ECH1: variants seen among roughly 807,000 people sequenced by gnomAD.
ECH1 encodes delta(3,5)-Delta(2,4)-dienoyl-CoA isomerase, mitochondrial.
ECH1 carries 30 observed loss-of-function variants against 37.0 expected under a neutral mutation model. The ratio of observed to expected loss-of-function variants is 0.81; its 90% CI spans 0.61 to 1.10. The LOEUF is 1.10. Among genes scored for constraint, ECH1 ranks in the 50% least tolerant of loss-of-function variants. The probability of loss-of-function intolerance (pLI) is 0.00; values close to 1 mark genes in which losing one functional copy is unlikely to be tolerated. For missense variants in ECH1, 456 were observed against 441.6 expected, an observed-to-expected ratio of 1.03 and a Z score of -0.29; for synonymous variants, 178 against 176.0, an observed-to-expected ratio of 1.01 and a Z score of -0.09.
At chr19:38,823,123 C>G (rs528809553) in intron 3 of ECH1, 1 of 154,238 alleles carries the variant, frequency 6.5e-6, no homozygotes, top group East Asian at 1.9e-4. Flanking sequence ...CCAGCGAGAC[C>G]ACGAACCCAC....
In ECH1 at chr19:38,819,419, C is replaced by T. The variant is rs371346976; in HGVS notation, c.350-1844G>A. ...GGCCCCATCCCCCGCATCCTGACCC[C>T]GCCTTACCTCCGGGCTGCACAGCTG... On this transcript the variant is annotated intron_variant, in intron 3 of 9. Transcript: ENST00000221418. Among the ~76,000 whole-genome samples, 21 of 152,084 alleles carry T rather than the reference C, an allele frequency of 1.4e-4. 1 individual carries two copies. The highest frequency in any genetic ancestry group is 7.8e-4 in the East Asian group (4 of 5,156).
rs185066389 is a variant in ECH1 at position 38,828,495 on chromosome 19, G to A, written c.349+2583C>T. ...GATCCACCCACCTCAGCTTCCCAAAGTGCTGGGATTACAGGCATGAGCCAC... is the reference window on the plus strand; with the variant it reads ...GATCCACCCACCTCAGCTTCCCAAAATGCTGGGATTACAGGCATGAGCCAC... On this transcript the variant is annotated intron_variant, in intron 3 of 9. Coordinates refer to ENST00000221418, the MANE Select transcript of ECH1 (RefSeq NM_001398.3). Among the ~76,000 whole-genome samples, 12 of 152,224 alleles carry A rather than the reference G, an allele frequency of 7.9e-5. No homozygotes were observed. The East Asian group carries it at 2.1e-3, about 27-fold the overall frequency.
chr19:38,825,588 A>ATAGG (rs1555722549), intron 3 of ECH1, among the ~76,000 whole-genome samples: 1 of 152,218 alleles, frequency 6.6e-6, no homozygotes, highest in Non-Finnish European at 1.5e-5. Flanking sequence ...GTGTTCTATA[A>ATAGG]TAGGGACCAA....
At chr19:38,821,722 C>G (rs1382479148) in intron 3 of ECH1, among the ~76,000 whole-genome samples, 1 of 152,218 alleles carries the variant, frequency 6.6e-6, no homozygotes, top group Non-Finnish European at 1.5e-5. Flanking sequence ...CGGGCCTCAG[C>G]TGCCTCCCTG....
At chr19:38,826,081 G>A (rs1416787994) in intron 3 of ECH1, among the ~76,000 whole-genome samples, 1 of 152,236 alleles carries the variant, frequency 6.6e-6, no homozygotes, top group South Asian at 2.1e-4. Flanking sequence ...GGGACAGCCT[G>A]TAACCAGGTA....
intron 6 of ECH1, 100 bp downstream of exon 6, chr19:38,816,965 T>A: frequency 7.4e-7 from 1 of 1,351,838 alleles, no homozygotes; most frequent in Non-Finnish European, 1.0e-6. Context: ...TTTGTCGGGT[T>A]CAACTCCGAC....
chr19:38,825,273 G>GT (rs1971722659), intron 3 of ECH1, among the ~76,000 whole-genome samples: 1 of 152,154 alleles, frequency 6.6e-6, no homozygotes, highest in African/African-American at 2.4e-5. Context: ...CATGGGGACT[G>GT]GAGTCGTAAA....
rs1246664933 is a variant in ECH1 at position 38,831,119 on chromosome 19, C to T, written c.308G>A (p.Arg103Gln). The T allele has an allele frequency of 2.5e-6, 4 of 1,614,006 alleles. No homozygotes were observed. Among genetic ancestry groups the T allele is most frequent in the Admixed American group, 3.3e-5 (2 of 59,992 alleles). Residue 103 changes from arginine to glutamine, a missense_variant, in exon 3 of 10, where the codon CGG becomes CAG. Coordinates refer to ENST00000221418, the MANE Select transcript of ECH1 (RefSeq NM_001398.3). Reference sequence around the variant, plus strand: ...TCCTGCACCAGAGATCACCACCGCCCGACAGTCAGCGTCTCTCGAAATCTT... The same window carrying T: ...TCCTGCACCAGAGATCACCACCGCCTGACAGTCAGCGTCTCTCGAAATCTT... ...FNKISRDADC[R>Q]AVVISGAGKM... is the part of the protein sequence containing the mutation.
rs1203522655 is a variant in ECH1, at chr19:38,816,947, A to G, written c.588+118T>C. ...CACCTCTTGACTTCCTCTATGGGCA[A>G]GTCTTACTTTGTCGGGTTCAACTCC... On this transcript the variant is annotated intron_variant, in intron 6 of 9. Transcript: ENST00000221418. 3 of 1,165,578 alleles carry G rather than the reference A, an allele frequency of 2.6e-6. No individual in the cohort carries two copies. In the African/African-American group the frequency reaches 4.6e-5, roughly 18 times the overall value. 72.2% of individuals were successfully genotyped at this position (1,165,578 alleles called of 1,614,324 possible). A position where few individuals can be genotyped will look rare whatever the true frequency, so the allele number is the denominator to read the frequency against.
chr19:38,828,540 C>T (rs1971770067), intron 3 of ECH1, among the ~76,000 whole-genome samples: 2 of 151,696 alleles, frequency 1.3e-5, no homozygotes, highest in South Asian at 2.1e-4. Context: ...CCTGCCATTT[C>T]CAAGCGAAAA....
chr19:38,823,695 T>G (rs1163231865), intron 3 of ECH1, among the ~76,000 whole-genome samples: 1 of 152,218 alleles, frequency 6.6e-6, no homozygotes, highest in Non-Finnish European at 1.5e-5. Flanking sequence ...AACAAGTTCG[T>G]TGACCCTGCA....
chr19:38,823,694 G>A (rs549325175), intron 3 of ECH1, among the ~76,000 whole-genome samples: 14 of 152,292 alleles, frequency 9.2e-5, no homozygotes, highest in South Asian at 2.1e-4. Context: ...CAACAAGTTC[G>A]TTGACCCTGC....
At chr19:38,817,764 G>A (rs1476785036) in intron 3 of ECH1, 189 bp from the exon 4 acceptor site, 2 of 985,130 alleles carry the variant, frequency 2.0e-6, no homozygotes, top group East Asian at 1.1e-4. Context: ...GCTAATATTT[G>A]TGGAGTCATT....
chr19:38,825,411 G>A (rs917501675), intron 3 of ECH1, among the ~76,000 whole-genome samples: 7 of 152,212 alleles, frequency 4.6e-5, no homozygotes, highest in African/African-American at 1.7e-4. Context: ...AGCTATAGGA[G>A]GCCTTAAGAA....
intron 3 of ECH1, chr19:38,818,309 TGCA>T (rs1468532699): frequency 1.0e-6 from 1 of 985,208 alleles, no homozygotes. Flanking sequence ...CATCTCACGA[TGCA>T]GCAATTTCTG....
At chr19:38,830,985 A>C in intron 3 of ECH1, 93 bp downstream of exon 3, 1 of 1,185,500 alleles carries the variant, frequency 8.4e-7, no homozygotes, top group South Asian at 1.3e-5. Flanking sequence ...TGTAAGTCAG[A>C]AGCTGCTTAA....
chr19:38,831,631 C>G, intron 1 of ECH1, 90 bp downstream of exon 1: 1 of 1,582,632 alleles, frequency 6.3e-7, no homozygotes, highest in Non-Finnish European at 8.6e-7. Flanking sequence ...GACTCGGGCC[C>G]TTCGTGACCC....
intron 3 of ECH1, among the ~76,000 whole-genome samples, chr19:38,826,180 G>A (rs1971736229): frequency 6.6e-6 from 1 of 152,134 alleles, no homozygotes; most frequent in Admixed American, 6.5e-5. Context: ...CCCTTATTAG[G>A]CAGGGACATA....
At chr19:38,831,579 G>T in intron 1 of ECH1, 63 bp from the exon 2 acceptor site, 2 of 1,562,924 alleles carry the variant, frequency 1.3e-6, no homozygotes, top group Non-Finnish European at 1.7e-6. Context: ...ATCGAATTAG[G>T]GAGTCCTTCA....
Sources: allele counts gnomAD v4.1 joint callset (sites outside exome capture counted in the v4.1 genomes callset), GRCh38; gene constraint gnomAD v4.1.1; transcripts MANE v1.5; gene names NCBI Gene and HGNC (gene_info 2026-07-23, HGNC 2026-07-21).